Variants in CDH1 observed in about 807,000 individuals in gnomAD.
CDH1 encodes the protein cadherin-1.
CDH1 carries 35 observed loss-of-function variants against 84.5 expected under a neutral mutation model. The observed-to-expected ratio is 0.41, with a 90% CI of 0.32 to 0.55. The LOEUF is 0.55. CDH1 is among the 20% of genes least tolerant of loss of function. The pLI is 0.19. For synonymous variants in CDH1, 417 were observed against 439.0 expected, an observed-to-expected ratio of 0.95 and a Z score of 0.63; for missense variants, 994 against 1,126.6, an observed-to-expected ratio of 0.88 and a Z score of 1.68.
At position 68,825,865 on chromosome 16, in the gene CDH1, A is replaced by C. The variant is rs570602029; in HGVS notation, c.2164+2239A>C. Among the ~76,000 whole-genome samples the C allele has an allele frequency of 9.1e-5, 12 of 131,312 alleles. No homozygotes were observed. In the East Asian group the frequency reaches 1.8e-3, roughly 20 times the overall value. The allele number at this position is 131,312 out of a possible 152,430, so 86.1% of individuals were successfully genotyped here. A position where few individuals can be genotyped will look rare whatever the true frequency, so the allele number is the denominator to read the frequency against. On this transcript the variant is annotated intron_variant, in intron 13 of 15. Transcript: ENST00000261769. The stretch of plus-strand genomic sequence containing the variant: ...CATTCTGTGGGCCCGGCTGGAGTGC[A>C]GTGGAGTGATCTCAGATCTCAGGTC...
chr16:68,795,756 A>G (rs1567498559), intron 2 of CDH1, among the ~76,000 whole-genome samples: 1 of 149,012 alleles, frequency 6.7e-6, no homozygotes, highest in Non-Finnish European at 1.5e-5. Flanking sequence ...TCGGCCTCCC[A>G]AAGTGCTGGG....
chr16:68,762,179 G>C (rs1165326175), intron 2 of CDH1, among the ~76,000 whole-genome samples: 4 of 152,134 alleles, frequency 2.6e-5, no homozygotes, highest in African/African-American at 9.7e-5. Context: ...CCCCTCCACT[G>C]GGGACACCTC....
In CDH1 at chr16:68,774,925, A is replaced by C. The variant is rs1023464265; in HGVS notation, c.164-26745A>C. Among the ~76,000 whole-genome samples, 4 of 152,096 alleles carry C rather than the reference A, an allele frequency of 2.6e-5. No individual in the cohort carries two copies. In the East Asian group the frequency reaches 7.7e-4, roughly 29 times the overall value. On this transcript the variant is annotated intron_variant, in intron 2 of 15. Coordinates refer to ENST00000261769, the MANE Select transcript of CDH1 (RefSeq NM_004360.5). Reference sequence around the variant, plus strand: ...TTATAGAAGCCCCTCCCCATCCCCAAAACTTCTAATTATGGAAACTTAAAT... The same window carrying C: ...TTATAGAAGCCCCTCCCCATCCCCACAACTTCTAATTATGGAAACTTAAAT...
chr16:68,746,261 T>C (rs1962741015), intron 2 of CDH1, among the ~76,000 whole-genome samples: 1 of 151,988 alleles, frequency 6.6e-6, no homozygotes, highest in African/African-American at 2.4e-5. Flanking sequence ...CCATCTCTAC[T>C]AAAAATTCAA....
At chr16:68,819,576 G>C (rs1415577347) in intron 11 of CDH1, 151 bp downstream of exon 11, 2 of 908,660 alleles carry the variant, frequency 2.2e-6, no homozygotes, top group Non-Finnish European at 3.4e-6. Context: ...GGAGTACAAG[G>C]GTAATTTTGT....
intron 2 of CDH1, among the ~76,000 whole-genome samples, chr16:68,758,410 G>A (rs1387531066): frequency 5.3e-5 from 8 of 151,450 alleles, no homozygotes; most frequent in Non-Finnish European, 1.2e-4. Context: ...TGCCTGGTAC[G>A]TAGCAACCAC....
chr16:68,780,132 A>T (rs928554843), intron 2 of CDH1, among the ~76,000 whole-genome samples: 4 of 150,132 alleles, frequency 2.7e-5, no homozygotes, highest in Non-Finnish European at 6.0e-5. Flanking sequence ...TGTCCTTCCA[A>T]AGGGGACCGT....
chr16:68,794,573 G>A (rs1017017158), intron 2 of CDH1, among the ~76,000 whole-genome samples: 6 of 151,908 alleles, frequency 3.9e-5, no homozygotes, highest in African/African-American at 1.2e-4. Context: ...AGGGTGGAGT[G>A]TGGTGGTACA....
At chr16:68,810,865 C>CAA (rs930343696) in intron 6 of CDH1, among the ~76,000 whole-genome samples, 2 of 141,192 alleles carry the variant, frequency 1.4e-5, no homozygotes, top group African/African-American at 2.6e-5. Context: ...GACTCCGTCT[C>CAA]AAAAAAAAAA....
At chr16:68,792,237 T>C (rs986544516) in intron 2 of CDH1, among the ~76,000 whole-genome samples, 1 of 149,896 alleles carries the variant, frequency 6.7e-6, no homozygotes. Context: ...CTGACTTTTT[T>C]TTTTTTTTTT....
At chr16:68,750,150 C>CTTTT (rs34551002) in intron 2 of CDH1, among the ~76,000 whole-genome samples, 5,169 of 79,210 alleles carry the variant, frequency 0.065, 523 homozygotes, top group African/African-American at 0.2. Flanking sequence ...TAGAATTCAG[C>CTTTT]TTTTTTTTTT....
chr16:68,760,856 G>A (rs942701623), intron 2 of CDH1, among the ~76,000 whole-genome samples: 11 of 152,308 alleles, frequency 7.2e-5, no homozygotes, highest in African/African-American at 2.6e-4. Context: ...AGTCTGGGAT[G>A]TGGGGTGGTA....
intron 13 of CDH1, among the ~76,000 whole-genome samples, chr16:68,827,384 C>T (rs1961348879): frequency 6.6e-6 from 1 of 151,388 alleles, no homozygotes; most frequent in South Asian, 2.1e-4. Context: ...TTTTCATTCA[C>T]AGTGAATAAT....
chr16:68,829,145 G>A (rs1351051384), intron 14 of CDH1, among the ~76,000 whole-genome samples: 1 of 152,162 alleles, frequency 6.6e-6, no homozygotes, highest in Non-Finnish European at 1.5e-5. Context: ...GGATGGCTGG[G>A]GCTCAGCAGA....
intron 2 of CDH1, among the ~76,000 whole-genome samples, chr16:68,789,244 G>C (rs577157180): frequency 1.3e-5 from 2 of 152,126 alleles, no homozygotes; most frequent in Admixed American, 1.3e-4. Context: ...GCCCAGGCTG[G>C]TCTTGACGGG....
chr16:68,809,420 T>C (rs1960758830), intron 5 of CDH1, among the ~76,000 whole-genome samples: 1 of 152,132 alleles, frequency 6.6e-6, no homozygotes, highest in East Asian at 1.9e-4. Flanking sequence ...CAGAGTGGTC[T>C]CAAACTCCTG....
At chr16:68,807,907 A>G (rs1419742613) in intron 3 of CDH1, among the ~76,000 whole-genome samples, 1 of 152,122 alleles carries the variant, frequency 6.6e-6, no homozygotes, top group Non-Finnish European at 1.5e-5. Flanking sequence ...CCCTACGTCT[A>G]CTAAAAATAC....
rs121964875 is a variant in CDH1 at position 68,738,307 on chromosome 16, G to C, written c.59G>C (p.Trp20Ser). Residue 20 changes from tryptophan to serine, a missense_variant, in exon 2 of 16, where the codon TGG becomes TCG. Physicochemically the swap from Trp to Ser is radical, Grantham distance 177 (BLOSUM62 -3). Transcript: ENST00000261769. ...ALLLLLQVSS[W>S]LCQEPEPCHP... The stretch of plus-strand genomic sequence containing the variant: ...TTTCCCCCACCCCAGGTCTCCTCTT[G>C]GCTCTGCCAGGAGCCGGAGCCCTGC... 1.3e-6 allele frequency: 2 copies of C among 1,550,364 alleles called. No homozygotes were observed. The highest frequency in any genetic ancestry group is 1.7e-6 in the Non-Finnish European group (2 of 1,145,826).
At chr16:68,814,873 T>C (rs1255978448) in intron 9 of CDH1, among the ~76,000 whole-genome samples, 1 of 147,964 alleles carries the variant, frequency 6.8e-6, no homozygotes, top group Non-Finnish European at 1.5e-5. Context: ...TCAGCTATGA[T>C]CATGCCACTG....
Sources: allele counts gnomAD v4.1 joint callset (sites outside exome capture counted in the v4.1 genomes callset), GRCh38; gene constraint gnomAD v4.1.1; transcripts MANE v1.5; gene names NCBI Gene and HGNC (gene_info 2026-07-23, HGNC 2026-07-21).